CCDC7: variants seen among roughly 807,000 people sequenced by gnomAD.
CCDC7 encodes coiled-coil domain containing 7.
Under a neutral mutation model 196.9 loss-of-function variants are expected in CCDC7, and 183 were observed. The ratio of observed to expected loss-of-function variants is 0.93; its 90% CI spans 0.82 to 1.05. The LOEUF is 1.05. Among genes scored for constraint, CCDC7 ranks in the 50% least tolerant of loss-of-function variants. CCDC7 has a pLI of 0.00. For missense variants in CCDC7, 1,540 were observed against 1,482.2 expected, an observed-to-expected ratio of 1.04 and a Z score of -0.64; for synonymous variants, 525 against 484.6, an observed-to-expected ratio of 1.08 and a Z score of -1.10.
At chr10:32,448,590 T>C (rs1211887098), upstream of CCDC7, among the ~76,000 whole-genome samples, 2 of 152,076 alleles carry the variant, frequency 1.3e-5, no homozygotes. Context: ...TAGTATGTTA[T>C]ACTATTTGGT....
At chr10:32,544,763 CT>C (rs1394470209) in intron 13 of CCDC7, among the ~76,000 whole-genome samples, 3 of 152,082 alleles carry the variant, frequency 2.0e-5, no homozygotes, top group African/African-American at 7.2e-5. Context: ...CAACGAAAAA[CT>C]TCTTCAGAAA....
At chr10:32,692,712 T>A (rs1299648456) in intron 23 of CCDC7, among the ~76,000 whole-genome samples, 1 of 152,210 alleles carries the variant, frequency 6.6e-6, no homozygotes. Flanking sequence ...AAGTAACAAT[T>A]AACCTTATTC....
At chr10:32,801,130 A>C (rs962031633) in intron 29 of CCDC7, among the ~76,000 whole-genome samples, 6 of 152,204 alleles carry the variant, frequency 3.9e-5, no homozygotes, top group Non-Finnish European at 8.8e-5. Flanking sequence ...TAAGATCGGC[A>C]TACAGAGAAG....
intron 21 of CCDC7, among the ~76,000 whole-genome samples, chr10:32,681,738 T>TACACACACACACACACACAC (rs57829018): frequency 5.6e-4 from 77 of 137,628 alleles, no homozygotes; most frequent in African/African-American, 2.1e-3. Context: ...TTTATATGTA[T>TACACACACACACACACACAC]ACACACACAC....
intron 21 of CCDC7, among the ~76,000 whole-genome samples, chr10:32,675,474 C>A (rs1158143479): frequency 6.6e-6 from 1 of 152,030 alleles, no homozygotes; most frequent in Non-Finnish European, 1.5e-5. Context: ...TATCCATTAA[C>A]CAATTTTTGT....
At chr10:32,852,701 A>G (rs1339306301) in intron 40 of CCDC7, among the ~76,000 whole-genome samples, 1 of 152,168 alleles carries the variant, frequency 6.6e-6, no homozygotes, top group African/African-American at 2.4e-5. Flanking sequence ...GGTTCTAAGT[A>G]AAAAATCAAT....
intron 28 of CCDC7, among the ~76,000 whole-genome samples, chr10:32,731,608 G>A (rs1176036763): frequency 6.6e-6 from 1 of 152,168 alleles, no homozygotes; most frequent in Non-Finnish European, 1.5e-5. Context: ...CTTTCTAAGT[G>A]TATGTATGAA....
chr10:32,881,863 C>T (rs1338646156), downstream of CCDC7, among the ~76,000 whole-genome samples: 1 of 152,072 alleles, frequency 6.6e-6, no homozygotes, highest in African/African-American at 2.4e-5. Flanking sequence ...GAGATCTCAT[C>T]TTCTCATAGT....
chr10:32,716,291 C>A (rs892212472), intron 25 of CCDC7, among the ~76,000 whole-genome samples: 3 of 152,126 alleles, frequency 2.0e-5, no homozygotes, highest in Non-Finnish European at 1.5e-5. Context: ...TCATATCCAG[C>A]CAAACTAAGC....
At chr10:32,632,131 CTT>C (rs1465632703) in intron 18 of CCDC7, among the ~76,000 whole-genome samples, 1 of 19,354 alleles carries the variant, frequency 5.2e-5, no homozygotes, top group South Asian at 1.1e-3. Context: ...CATTTTATTT[CTT>C]TTTTTTGGGG....
chr10:32,715,945 A>T (rs2142005561), intron 25 of CCDC7, among the ~76,000 whole-genome samples: 2 of 152,302 alleles, frequency 1.3e-5, no homozygotes, highest in East Asian at 3.9e-4. Flanking sequence ...CCTGAAAGAG[A>T]CGGGGAGAAT....
intron 24 of CCDC7, among the ~76,000 whole-genome samples, chr10:32,708,411 A>G (rs2080192185): frequency 6.6e-6 from 1 of 152,214 alleles, no homozygotes; most frequent in African/African-American, 2.4e-5. Context: ...ATAGGCATGG[A>G]CAAAAACTTC....
At chr10:32,574,458 A>G (rs1015031260) in intron 16 of CCDC7, 14 of 1,593,030 alleles carry the variant, frequency 8.8e-6, no homozygotes, top group Admixed American at 7.0e-5. Context: ...AATACTTTGG[A>G]AAAGTCTCCC....
chr10:32,496,002 G>T (rs1479618297), intron 9 of CCDC7, among the ~76,000 whole-genome samples: 1 of 151,928 alleles, frequency 6.6e-6, no homozygotes, highest in South Asian at 2.1e-4. Flanking sequence ...CATTTTCATG[G>T]TATTGATTCT....
intron 18 of CCDC7, among the ~76,000 whole-genome samples, chr10:32,617,654 T>G (rs1203513740): frequency 6.6e-6 from 1 of 152,020 alleles, no homozygotes; most frequent in East Asian, 1.9e-4. Flanking sequence ...GAGAAGACAC[T>G]TGATATGATT....
intron 23 of CCDC7, 77 bp downstream of exon 24, chr10:32,689,240 A>G: frequency 2.1e-6 from 2 of 960,776 alleles, no homozygotes; most frequent in Non-Finnish European, 3.1e-6. Context: ...TTTGATTCAC[A>G]AAAGTTTTAC....
chr10:32,808,027 A>G (rs1394368423), intron 30 of CCDC7, among the ~76,000 whole-genome samples: 1 of 152,108 alleles, frequency 6.6e-6, no homozygotes, highest in Admixed American at 6.5e-5. Context: ...ACTGCCACTG[A>G]GAGCAACTCA....
intron 7 of CCDC7, among the ~76,000 whole-genome samples, chr10:32,473,637 T>C (rs2038396656): frequency 6.6e-6 from 1 of 152,112 alleles, no homozygotes; most frequent in African/African-American, 2.4e-5. Flanking sequence ...GGAGTCAGGT[T>C]TGAGAAATAT....
At chr10:32,692,993 A>G (rs2077264529) in intron 23 of CCDC7, among the ~76,000 whole-genome samples, 1 of 152,148 alleles carries the variant, frequency 6.6e-6, no homozygotes, top group South Asian at 2.1e-4. Context: ...ATTCCTCTCA[A>G]ATTGAGTTCA....
Sources: gnomAD v4.1 joint callset for allele counts (sites outside exome capture counted in the v4.1 genomes callset) on GRCh38, gnomAD v4.1.1 for gene constraint, MANE v1.5 for transcripts, NCBI Gene and HGNC (gene_info 2026-07-23, HGNC 2026-07-21) for gene names.